Variants in ZFHX3 observed in about 807,000 individuals in gnomAD.
The protein encoded by ZFHX3 is zinc finger homeobox 3.
Under a neutral mutation model 279.1 loss-of-function variants are expected in ZFHX3, and 42 were observed. The ratio of observed to expected loss-of-function variants is 0.15; its 90% CI spans 0.12 to 0.19. ZFHX3 has a LOEUF of 0.19. Among genes scored for constraint, ZFHX3 ranks in the 10% least tolerant of loss-of-function variants. ZFHX3 has a pLI of 1.00. For missense variants in ZFHX3, 4,981 were observed against 4,754.0 expected, an observed-to-expected ratio of 1.05 and a Z score of -1.40; for synonymous variants, 2,293 against 1,957.8, an observed-to-expected ratio of 1.17 and a Z score of -4.52.
At chr16:73,038,807 A>ATTG (rs1160287835) in intron 1 of ZFHX3, among the ~76,000 whole-genome samples, 4 of 150,862 alleles carry the variant, frequency 2.7e-5, no homozygotes, top group African/African-American at 9.8e-5. Flanking sequence ...TATTATTATT[A>ATTG]TTATTATTGA....
At chr16:73,660,685 T>C (rs1437904209) in intron 2 of ZFHX3, among the ~76,000 whole-genome samples, 1 of 152,172 alleles carries the variant, frequency 6.6e-6, no homozygotes, top group African/African-American at 2.4e-5. Flanking sequence ...AAACGTGCTT[T>C]TGCATTTAAA....
intron 7 of ZFHX3, among the ~76,000 whole-genome samples, chr16:73,104,356 G>A (rs1056856660): frequency 2.0e-4 from 30 of 152,026 alleles, no homozygotes; most frequent in African/African-American, 6.8e-4. Context: ...TCAGCCTCCC[G>A]AGTAGCTGGG....
chr16:73,630,259 A>G (rs555905931), intron 2 of ZFHX3, among the ~76,000 whole-genome samples: 3 of 135,568 alleles, frequency 2.2e-5, no homozygotes, highest in Non-Finnish European at 5.0e-5. Flanking sequence ...GCCTCCAAAA[A>G]GGCCCTTTAG....
chr16:73,774,292 G>C (rs143316705), intron 1 of ZFHX3, among the ~76,000 whole-genome samples: 1 of 152,128 alleles, frequency 6.6e-6, no homozygotes, highest in Non-Finnish European at 1.5e-5. Context: ...GGCCTAGCAT[G>C]GTGCTTGTAT....
chr16:72,795,747 C>A lies in ZFHX3; in HGVS notation c.6935G>T (p.Arg2312Leu). 1 of 1,614,190 alleles carries A rather than the reference C, an allele frequency of 6.2e-7. No homozygotes were observed. Among genetic ancestry groups the A allele is most frequent in the Non-Finnish European group, 8.5e-7 (1 of 1,180,034 alleles). Residue 2312 changes from arginine to leucine, a missense_variant, in exon 9 of 10, where the codon CGG becomes CTG. Around this residue, in one of 7 missense-constraint regions of ZFHX3, gnomAD observed 177 missense variants for 244.2 expected, o/e 0.72. Transcript: ENST00000268489. Reference sequence around the variant, plus strand: ...GTATCTATCATTTGTAAGCTCACGCCGCTCTCCATCTTTGCCCTCTCCCTG... The same window carrying A: ...GTATCTATCATTTGTAAGCTCACGCAGCTCTCCATCTTTGCCCTCTCCCTG... ...ENQGEGKDGERRELTNDRYIR... is the reference protein window; with the variant it reads ...ENQGEGKDGELRELTNDRYIR...
At chr16:73,555,300 A>G (rs933253030) in intron 2 of ZFHX3, among the ~76,000 whole-genome samples, 3 of 151,718 alleles carry the variant, frequency 2.0e-5, no homozygotes, top group Non-Finnish European at 4.4e-5. Context: ...GACTACAGGC[A>G]CCCGCCACCA....
At chr16:73,295,219 GAAAC>G (rs991741228) in intron 4 of ZFHX3, among the ~76,000 whole-genome samples, 1 of 151,830 alleles carries the variant, frequency 6.6e-6, no homozygotes, top group Non-Finnish European at 1.5e-5. Flanking sequence ...CGTCTCAAAA[GAAAC>G]AAACAAACAA....
At chr16:72,790,711 CTTG>C (rs2035661929) in intron 9 of ZFHX3, 1 of 152,236 alleles carries the variant, frequency 6.6e-6, no homozygotes, top group South Asian at 2.1e-4. Flanking sequence ...TTAGTAAAGA[CTTG>C]TTGGTTAAAT....
At chr16:73,222,776 G>C (rs2012464388) in intron 5 of ZFHX3, among the ~76,000 whole-genome samples, 3 of 152,048 alleles carry the variant, frequency 2.0e-5, no homozygotes, top group Non-Finnish European at 4.4e-5. Flanking sequence ...TATTGAAAGA[G>C]AAGAAAAGAG....
At chr16:73,782,112 T>C (rs1959491795) in intron 1 of ZFHX3, among the ~76,000 whole-genome samples, 1 of 152,204 alleles carries the variant, frequency 6.6e-6, no homozygotes, top group Admixed American at 6.5e-5. Context: ...AAGACTCTCT[T>C]TGGTCAGGAA....
chr16:72,803,054 G>C (rs183623044), intron 7 of ZFHX3, among the ~76,000 whole-genome samples: 1 of 152,174 alleles, frequency 6.6e-6, no homozygotes, highest in Non-Finnish European at 1.5e-5. Flanking sequence ...GCTGTCGGCC[G>C]GGTGCGGTGG....
At chr16:73,147,377 C>G (rs11862796) in intron 5 of ZFHX3, among the ~76,000 whole-genome samples, 6,306 of 152,102 alleles carry the variant, frequency 0.041, 421 homozygotes, top group African/African-American at 0.14. Context: ...GACTGCGTCT[C>G]TACTGAAAAA....
At chr16:73,013,087 G>A (rs554165348) in intron 1 of ZFHX3, among the ~76,000 whole-genome samples, 67 of 152,230 alleles carry the variant, frequency 4.4e-4, no homozygotes, top group Admixed American at 1.4e-3. Context: ...TACCAATCAC[G>A]GGAGTGAAGG....
intron 8 of ZFHX3, among the ~76,000 whole-genome samples, chr16:73,065,384 C>G (rs2144748748): frequency 6.6e-6 from 1 of 152,262 alleles, no homozygotes; most frequent in African/African-American, 2.4e-5. Flanking sequence ...CCCACCACCC[C>G]CATCCCTTTT....
rs1459482975 is a variant in ZFHX3 at position 72,788,012 on chromosome 16, C to G, written c.10264G>C (p.Glu3422Gln). The change falls in exon 10 of 10, where the codon GAA becomes CAA. Residue 3422 changes from glutamate to glutamine, a missense_variant. Physicochemically the swap from Glu to Gln is conservative, Grantham distance 29 (BLOSUM62 2). Around this residue, in one of 7 missense-constraint regions of ZFHX3, gnomAD observed 1,034 missense variants for 786.0 expected, o/e 1.32. Transcript: ENST00000268489. ...KDPAKESPKP[E>Q]EQKNTPREVS... ...TCACGGGGGGTGTTTTTCTGTTCTT[C>G]TGGTTTGGGGGATTCTTTGGCAGGG... 6.2e-7 allele frequency: 1 copy of G among 1,613,044 alleles called. No individual in the cohort carries two copies. The highest frequency in any genetic ancestry group is 8.5e-7 in the Non-Finnish European group (1 of 1,179,874).
At chr16:73,754,769 G>A (rs2053792991) in intron 1 of ZFHX3, among the ~76,000 whole-genome samples, 1 of 152,062 alleles carries the variant, frequency 6.6e-6, no homozygotes, top group Non-Finnish European at 1.5e-5. Flanking sequence ...AAAAAAAAAG[G>A]AGAGATTAAT....
At chr16:73,211,339 A>G (rs1042677573) in intron 5 of ZFHX3, among the ~76,000 whole-genome samples, 1 of 152,208 alleles carries the variant, frequency 6.6e-6, no homozygotes, top group Admixed American at 6.5e-5. Context: ...CTTGAAGTCA[A>G]TGCCCAATGA....
chr16:72,974,568 A>AAC (rs59350988), intron 1 of ZFHX3, among the ~76,000 whole-genome samples: 11,314 of 148,270 alleles, frequency 0.076, 429 homozygotes, highest in African/African-American at 0.091. Flanking sequence ...CTGATAGGGC[A>AAC]ACACACACAC....
intron 2 of ZFHX3, among the ~76,000 whole-genome samples, chr16:73,650,915 G>A (rs1225209105): frequency 2.0e-5 from 3 of 151,908 alleles, no homozygotes; most frequent in African/African-American, 7.3e-5. Context: ...AACTATGTCA[G>A]GAAGAAAAAT....
Sources: allele counts gnomAD v4.1 joint callset (sites outside exome capture counted in the v4.1 genomes callset), GRCh38; gene constraint gnomAD v4.1.1; regional missense constraint gnomAD v4.1.1; transcripts MANE v1.5; gene names NCBI Gene and HGNC (gene_info 2026-07-23, HGNC 2026-07-21).